CHCHD6: variants seen among roughly 807,000 people sequenced by gnomAD.
CHCHD6 encodes the protein coiled-coil-helix-coiled-coil-helix domain containing 6, also known as MICOS complex subunit MIC25.
In CHCHD6, 28 loss-of-function variants were observed where a neutral mutation model predicts 32.3. The ratio of observed to expected loss-of-function variants is 0.87; its 90% confidence interval spans 0.64 to 1.19. The LOEUF is 1.19. Ranked by LOEUF, CHCHD6 falls within the 50% of genes most tolerant of loss-of-function variation. The probability of loss-of-function intolerance (pLI) is 0.00; values close to 1 mark genes in which losing one functional copy is unlikely to be tolerated. For synonymous variants in CHCHD6, 122 were observed against 117.5 expected (o/e 1.04, Z -0.25); for missense variants, 333 against 307.0 (o/e 1.08, Z -0.63).
chr3:126,720,041 A>C (rs2001976), intron 1 of CHCHD6, among the ~76,000 whole-genome samples: 45,839 of 151,852 alleles, frequency 0.3, 8,758 homozygotes, highest in African/African-American at 0.54. Context: ...CCACCACGCC[A>C]GGCTAATTTT....
chr3:126,921,246 C>T (rs1048404530), intron 6 of CHCHD6, among the ~76,000 whole-genome samples: 8 of 152,170 alleles, frequency 5.3e-5, no homozygotes, highest in African/African-American at 1.9e-4. Context: ...TCAGAAGACT[C>T]CTGCCTCAGG....
At chr3:126,839,372 A>G (rs1336350436) in intron 4 of CHCHD6, among the ~76,000 whole-genome samples, 1 of 152,214 alleles carries the variant, frequency 6.6e-6, no homozygotes, top group Non-Finnish European at 1.5e-5. Flanking sequence ...GAACATACCT[A>G]TGCCAAGTTG....
At chr3:126,877,112 A>G (rs1375641217) in intron 5 of CHCHD6, among the ~76,000 whole-genome samples, 1 of 152,172 alleles carries the variant, frequency 6.6e-6, no homozygotes, top group Non-Finnish European at 1.5e-5. Context: ...GAATCCACTT[A>G]TTTTTCAGAA....
intron 4 of CHCHD6, among the ~76,000 whole-genome samples, chr3:126,787,698 T>C (rs1938292119): frequency 6.6e-6 from 1 of 152,242 alleles, no homozygotes; most frequent in South Asian, 2.1e-4. Context: ...TTTGCTGAAG[T>C]TGCTTATCAG....
At chr3:126,929,874 C>G (rs1438503132) in intron 6 of CHCHD6, among the ~76,000 whole-genome samples, 1 of 152,166 alleles carries the variant, frequency 6.6e-6, no homozygotes, top group Non-Finnish European at 1.5e-5. Context: ...CCTTCCAACT[C>G]TTTTATATAA....
intron 6 of CHCHD6, among the ~76,000 whole-genome samples, chr3:126,942,757 T>C (rs1429200662): frequency 1.3e-5 from 2 of 152,130 alleles, no homozygotes; most frequent in East Asian, 1.9e-4. Context: ...GGATCTGAGC[T>C]CCGGGTGTGC....
At chr3:126,783,266 T>C (rs1173584818) in intron 4 of CHCHD6, among the ~76,000 whole-genome samples, 1 of 152,218 alleles carries the variant, frequency 6.6e-6, no homozygotes, top group Admixed American at 6.5e-5. Context: ...CATCCTTTCA[T>C]GATAAAAATC....
At chr3:126,894,220 C>A (rs542628285) in intron 5 of CHCHD6, among the ~76,000 whole-genome samples, 1 of 152,220 alleles carries the variant, frequency 6.6e-6, no homozygotes, top group East Asian at 1.9e-4. Flanking sequence ...CCTGGCACTG[C>A]GCAGTGAAGG....
Position 126,777,954 on chromosome 3 carries a change from G to A in CHCHD6, c.411+44732G>A, listed in dbSNP as rs76459838. ...TATTTCCCACAACCCTTAGTCCCAG[G>A]CAACATCTAATCAACTTTGTCTCTA... On this transcript the variant is annotated intron_variant, in intron 4 of 7. Transcript: ENST00000290913. Among the ~76,000 whole-genome samples the A allele has an allele frequency of 2.0e-3, 298 of 152,220 alleles. 1 individual carries two copies. Among genetic ancestry groups the A allele is most frequent in the African/African-American group, 6.7e-3 (278 of 41,546 alleles).
At position 126,733,150 on chromosome 3, in the gene CHCHD6, C is replaced by G; in HGVS notation, c.339C>G (p.Thr113=). The change falls in exon 4 of 8, where the codon ACC becomes ACG. Residue 113 remains threonine (T), a synonymous_variant. Transcript: ENST00000290913. ...CAAAGAGGGAAAGAGAGGCTGCCACCAAGCACTCCAAGGCATCCCTGCCCA... is the reference window on the plus strand; with the variant it reads ...CAAAGAGGGAAAGAGAGGCTGCCACGAAGCACTCCAAGGCATCCCTGCCCA... ...QVAKREREAA[T]KHSKASLPTG... 6.2e-7 allele frequency: 1 copy of G among 1,614,144 alleles called. No individual in the cohort carries two copies. The highest frequency in any genetic ancestry group is 8.5e-7 in the Non-Finnish European group (1 of 1,179,968).
At chr3:126,808,200 AG>A (rs1939500728) in intron 4 of CHCHD6, among the ~76,000 whole-genome samples, 1 of 152,176 alleles carries the variant, frequency 6.6e-6, no homozygotes, top group African/African-American at 2.4e-5. Context: ...TGTTGGATTA[AG>A]GGCCTCTGTT....
In CHCHD6 at chr3:126,704,285, G is replaced by T. The variant is rs1428107463; in HGVS notation, c.-28G>T. ...GCTCTGGAGCCGGGTCTCGGGTCTG[G>T]TGGCTGCCGGCCCTGCGGCATCTCG... On this transcript the variant is annotated 5_prime_UTR_variant, in exon 1 of 8. Transcript: ENST00000290913. The T allele has an allele frequency of 5.7e-6, 9 of 1,590,516 alleles. No homozygotes were observed. Among genetic ancestry groups the T allele is most frequent in the Middle Eastern group, 2.3e-4 (1 of 4,420 alleles).
In CHCHD6 at chr3:126,704,260, G is replaced by A; in HGVS notation, c.-53G>A. On this transcript the variant is annotated 5_prime_UTR_variant, in exon 1 of 8. Coordinates refer to ENST00000290913, the MANE Select transcript of CHCHD6 (RefSeq NM_032343.3). ...CCTGGAAAGCGTTGTTGGCCCGGTT[G>A]CTCTGGAGCCGGGTCTCGGGTCTGG... The A allele has an allele frequency of 6.9e-7, 1 of 1,445,030 alleles. No homozygotes were observed. The highest frequency in any genetic ancestry group is 9.6e-7 in the Non-Finnish European group (1 of 1,039,870). 89.5% of individuals were successfully genotyped at this position (1,445,030 alleles called of 1,614,324 possible). A position where few individuals can be genotyped will look rare whatever the true frequency, so the allele number is the denominator to read the frequency against.
chr3:126,899,221 T>C (rs1053710978), intron 5 of CHCHD6, among the ~76,000 whole-genome samples: 1 of 152,248 alleles, frequency 6.6e-6, no homozygotes, highest in Non-Finnish European at 1.5e-5. Flanking sequence ...TTAATTACTT[T>C]ATTGGAAAAA....
chr3:126,899,829 A>G (rs1186987444), intron 5 of CHCHD6, among the ~76,000 whole-genome samples: 2 of 152,230 alleles, frequency 1.3e-5, no homozygotes, highest in Admixed American at 1.3e-4. Flanking sequence ...AGGCAGAGCC[A>G]GGAGATGGAA....
Position 126,945,986 on chromosome 3 carries a change from T to A in CHCHD6, c.567-11430T>A, listed in dbSNP as rs1400326523. Among the ~76,000 whole-genome samples, 5 of 151,946 alleles carry A rather than the reference T, an allele frequency of 3.3e-5. No individual in the cohort carries two copies. The East Asian group carries it at 9.7e-4, about 29-fold the overall frequency. ...CACCCAGTGCCAGTTGGGTGACAGC[T>A]CCCTGCTTTGTTGAGGACCCAGTGC... On this transcript the variant is annotated intron_variant, in intron 6 of 7. Coordinates refer to ENST00000290913, the MANE Select transcript of CHCHD6 (RefSeq NM_032343.3).
intron 7 of CHCHD6, among the ~76,000 whole-genome samples, chr3:126,959,377 C>T (rs1338603463): frequency 6.6e-6 from 1 of 152,246 alleles, no homozygotes; most frequent in Non-Finnish European, 1.5e-5. Context: ...TTCAACCTGA[C>T]TCCCTCGGAG....
chr3:126,871,567 G>A (rs947683996), intron 5 of CHCHD6, among the ~76,000 whole-genome samples: 1 of 151,680 alleles, frequency 6.6e-6, no homozygotes, highest in African/African-American at 2.4e-5. Context: ...AGGGAGCCCC[G>A]TCCCCACCCT....
At chr3:126,905,838 A>G (rs761819991) in intron 5 of CHCHD6, among the ~76,000 whole-genome samples, 2 of 152,202 alleles carry the variant, frequency 1.3e-5, no homozygotes, top group Non-Finnish European at 2.9e-5. Context: ...GTGGTGAATG[A>G]CAGGTAGCCC....
Sources: allele counts gnomAD v4.1 joint callset (sites outside exome capture counted in the v4.1 genomes callset), GRCh38; gene constraint gnomAD v4.1.1; transcripts MANE v1.5; gene names NCBI Gene and HGNC (gene_info 2026-07-23, HGNC 2026-07-21).